The following CDK5RAP2 variants were observed in gnomAD, a reference collection of about 807,000 sequenced individuals.
CDK5RAP2 encodes the protein CDK5 regulatory subunit associated protein 2.
Under a neutral mutation model 232.9 loss-of-function variants are expected in CDK5RAP2, and 147 were observed. That is an observed-to-expected ratio of 0.63 (90% confidence interval 0.55 to 0.72). The LOEUF (loss-of-function observed/expected upper bound fraction) is 0.72. CDK5RAP2 is among the 30% of genes least tolerant of loss of function. CDK5RAP2 has a pLI of 0.00. For missense variants in CDK5RAP2, 2,195 were observed against 2,231.5 expected, an observed-to-expected ratio of 0.98 and a Z score of 0.33; for synonymous variants, 833 against 833.7, an observed-to-expected ratio of 1.00 and a Z score of 0.01.
chr9:120,546,508 A>C (rs1006030760), intron 4 of CDK5RAP2, among the ~76,000 whole-genome samples: 2 of 152,192 alleles, frequency 1.3e-5, no homozygotes, highest in African/African-American at 4.8e-5. Flanking sequence ...ACTTATCTAC[A>C]AATGTATCCC....
intron 18 of CDK5RAP2, among the ~76,000 whole-genome samples, chr9:120,465,403 A>G (rs2037321468): frequency 6.6e-6 from 1 of 152,198 alleles, no homozygotes; most frequent in African/African-American, 2.4e-5. Flanking sequence ...TGTACACAGC[A>G]ACAACAGGAT....
intron 25 of CDK5RAP2, among the ~76,000 whole-genome samples, chr9:120,424,392 C>T (rs777190399): frequency 1.3e-5 from 2 of 152,218 alleles, no homozygotes. Flanking sequence ...CTGTCCTCTA[C>T]AATCCTCTTC....
chr9:120,464,139 T>C (rs1160604743), intron 18 of CDK5RAP2, among the ~76,000 whole-genome samples: 2 of 152,192 alleles, frequency 1.3e-5, no homozygotes, highest in Non-Finnish European at 2.9e-5. Flanking sequence ...TTCGACACTA[T>C]GAAACACTCC....
At chr9:120,466,699 C>A (rs1293493229) in intron 18 of CDK5RAP2, among the ~76,000 whole-genome samples, 3 of 152,098 alleles carry the variant, frequency 2.0e-5, no homozygotes. Flanking sequence ...TATCTAGAGT[C>A]CTGGAGGCTA....
At chr9:120,570,548 G>A (rs1223896112) in intron 2 of CDK5RAP2, among the ~76,000 whole-genome samples, 1 of 152,148 alleles carries the variant, frequency 6.6e-6, no homozygotes, top group Admixed American at 6.5e-5. Flanking sequence ...GCTAAATTAA[G>A]AAATAGGCTG....
chr9:120,464,651 C>G (rs530965389), intron 18 of CDK5RAP2, among the ~76,000 whole-genome samples: 2 of 152,060 alleles, frequency 1.3e-5, no homozygotes, highest in East Asian at 1.9e-4. Flanking sequence ...TAACAAGACT[C>G]TCAGGAAATA....
intron 11 of CDK5RAP2, among the ~76,000 whole-genome samples, chr9:120,521,429 A>G (rs1442502536): frequency 6.6e-6 from 1 of 152,070 alleles, no homozygotes; most frequent in Non-Finnish European, 1.5e-5. Flanking sequence ...ACCGGGTGGG[A>G]GGTAACTGAA....
intron 3 of CDK5RAP2, among the ~76,000 whole-genome samples, chr9:120,567,147 C>T (rs1213782773): frequency 1.3e-5 from 2 of 152,310 alleles, no homozygotes; most frequent in East Asian, 1.9e-4. Flanking sequence ...TAATTATACA[C>T]GATGTAGAAT....
Position 120,580,046 on chromosome 9 carries a change from A to C in CDK5RAP2, c.-68T>G. On this transcript the variant is annotated 5_prime_UTR_variant, in exon 1 of 38. Transcript: ENST00000349780. ...GCCACTAGTACCCCCCGCGATAGCG[A>C]CCCGCCGGGCTCCCCAGGTCCCCGC... The C allele has an allele frequency of 9.7e-7, 1 of 1,035,086 alleles. No homozygotes were observed. The highest frequency in any genetic ancestry group is 1.5e-6 in the Non-Finnish European group (1 of 674,362). The allele number at this position is 1,035,086 out of a possible 1,614,324, so 64.1% of individuals were successfully genotyped here. A position where few individuals can be genotyped will look rare whatever the true frequency, so the allele number is the denominator to read the frequency against.
At chr9:120,573,856 A>G (rs961147769) in intron 1 of CDK5RAP2, among the ~76,000 whole-genome samples, 1 of 152,226 alleles carries the variant, frequency 6.6e-6, no homozygotes, top group African/African-American at 2.4e-5. Flanking sequence ...CTGAATTTTA[A>G]AAACTAAAAT....
At chr9:120,572,842 C>T (rs1463130630) in intron 1 of CDK5RAP2, among the ~76,000 whole-genome samples, 1 of 152,210 alleles carries the variant, frequency 6.6e-6, no homozygotes, top group Non-Finnish European at 1.5e-5. Context: ...TATCATGTCG[C>T]CTTGAAACCT....
chr9:120,447,813 TA>T, intron 22 of CDK5RAP2, 81 bp downstream of exon 22: 1 of 1,032,026 alleles, frequency 9.7e-7, no homozygotes, highest in Non-Finnish European at 1.5e-6. Flanking sequence ...ATTGCAATTC[TA>T]AACAACAAGG....
At chr9:120,565,157 T>C (rs12348950) in intron 3 of CDK5RAP2, among the ~76,000 whole-genome samples, 52,099 of 152,148 alleles carry the variant, frequency 0.34, 10,620 homozygotes, top group South Asian at 0.51. Flanking sequence ...ATAGAAGACC[T>C]GGGTTCAAAG....
At chr9:120,425,086 G>A (rs7868540) in intron 25 of CDK5RAP2, among the ~76,000 whole-genome samples, 2,306 of 152,116 alleles carry the variant, frequency 0.015, 50 homozygotes, top group African/African-American at 0.052. Context: ...AGCATTCCGG[G>A]TCTCCAGATC....
intron 28 of CDK5RAP2, among the ~76,000 whole-genome samples, chr9:120,412,945 C>T (rs985790389): frequency 2.6e-5 from 4 of 152,238 alleles, no homozygotes; most frequent in Non-Finnish European, 4.4e-5. Context: ...TTTTCAGAGA[C>T]ACCTGGGTTT....
At position 120,460,680 on chromosome 9, in the gene CDK5RAP2, T is replaced by C. The variant is rs193256893; in HGVS notation, c.2107-13A>G. On this transcript the variant is annotated splice_polypyrimidine_tract_variant and intron_variant, in intron 18 of 37. Coordinates refer to ENST00000349780, the MANE Select transcript of CDK5RAP2 (RefSeq NM_018249.6). ...TGCTAGCCAGAAGCTACATGGAGCA[T>C]GGAATGGTGTGAAAATGCAACCCAA... 76 of 1,613,918 alleles carry C rather than the reference T, an allele frequency of 4.7e-5. No homozygotes were observed. In the East Asian group the frequency reaches 1.6e-3, roughly 33 times the overall value.
At chr9:120,407,523 A>C (rs970016173) in intron 31 of CDK5RAP2, 10 of 484,174 alleles carry the variant, frequency 2.1e-5, no homozygotes, top group African/African-American at 3.9e-5. Flanking sequence ...AATTATGTCT[A>C]GTAGTAATAA....
chr9:120,526,096 T>A (rs2040887400), intron 10 of CDK5RAP2, among the ~76,000 whole-genome samples: 1 of 152,218 alleles, frequency 6.6e-6, no homozygotes, highest in South Asian at 2.1e-4. Context: ...AGTCCCATCA[T>A]CAACCTTCTT....
intron 12 of CDK5RAP2, among the ~76,000 whole-genome samples, chr9:120,506,945 G>C (rs1158762254): frequency 6.6e-6 from 1 of 152,136 alleles, no homozygotes. Flanking sequence ...CTCCAGTTTT[G>C]AAAGAAGTTC....
Sources: allele counts gnomAD v4.1 joint callset (sites outside exome capture counted in the v4.1 genomes callset), GRCh38; gene constraint gnomAD v4.1.1; transcripts MANE v1.5; gene names NCBI Gene and HGNC (gene_info 2026-07-23, HGNC 2026-07-21).